ZNF385A: variants seen among roughly 807,000 people sequenced by gnomAD.
ZNF385A encodes the protein hematopoietic zinc finger protein.
Under a neutral mutation model 32.1 loss-of-function variants are expected in ZNF385A, and 14 were observed. That is an observed-to-expected ratio of 0.44 (90% CI 0.29 to 0.68). ZNF385A has a LOEUF of 0.68. Ranked by LOEUF, ZNF385A falls within the 30% of genes least tolerant of loss-of-function variation. ZNF385A has a pLI of 0.14. For synonymous variants in ZNF385A, 197 were observed against 202.7 expected, an observed-to-expected ratio of 0.97 and a Z score of 0.24; for missense variants, 406 against 478.4, an observed-to-expected ratio of 0.85 and a Z score of 1.41.
intron 1 of ZNF385A, among the ~76,000 whole-genome samples, chr12:54,376,551 G>A (rs1053897345): frequency 6.6e-6 from 1 of 152,222 alleles, no homozygotes; most frequent in Non-Finnish European, 1.5e-5. Flanking sequence ...GAACTCAGGA[G>A]AGAGTAGGAG....
Position 54,374,163 on chromosome 12 carries a change from T to G in ZNF385A, c.199-28A>C, listed in dbSNP as rs1954714245. On this transcript the variant is annotated intron_variant, in intron 2 of 6. Transcript: ENST00000394313. ...TTAGGGATGGAGGAAGAAAATGGAATCTGAGATCACCTTTCATCTGACCGA... is the reference window on the plus strand; with the variant it reads ...TTAGGGATGGAGGAAGAAAATGGAAGCTGAGATCACCTTTCATCTGACCGA... 1.4e-5 allele frequency: 20 copies of G among 1,478,156 alleles called. No individual in the cohort carries two copies. In the East Asian group the frequency reaches 4.8e-4, roughly 35 times the overall value. The allele number at this position is 1,478,156 out of a possible 1,614,324, so 91.6% of individuals were successfully genotyped here.
intron 2 of ZNF385A, among the ~76,000 whole-genome samples, chr12:54,374,893 C>T (rs1954761190): frequency 6.6e-6 from 1 of 152,188 alleles, no homozygotes; most frequent in African/African-American, 2.4e-5. Flanking sequence ...TGGGTTAGTC[C>T]TGTCTTCCCT....
upstream of ZNF385A, among the ~76,000 whole-genome samples, chr12:54,388,897 G>C (rs891673687): frequency 2.2e-4 from 33 of 152,246 alleles, no homozygotes; most frequent in African/African-American, 7.7e-4. Flanking sequence ...GGCAGGCTGA[G>C]GACTGGAAAG....
intron 1 of ZNF385A, chr12:54,381,343 C>T (rs1955168136): frequency 6.6e-6 from 1 of 152,146 alleles, no homozygotes; most frequent in Non-Finnish European, 1.5e-5. Flanking sequence ...TTAAATCCTG[C>T]CAATCAGATG....
chr12:54,371,695 C>A lies in ZNF385A; in HGVS notation c.382G>T (p.Gly128Trp), dbSNP rs1252523332. Residue 128 changes from glycine to tryptophan, a missense_variant, in exon 4 of 7, where the codon GGG (glycine) becomes TGG (tryptophan). Gly to Trp is a radical substitution (Grantham distance 184). Transcript: ENST00000394313. ...PRPVSMENGL[G>W]PAPGSPEKQP... Reference sequence around the variant, plus strand: ...TTCTCTGGGGATCCTGGGGCTGGCCCCAGTCCATTCTCCATGGAAACTGTT... The same window carrying A: ...TTCTCTGGGGATCCTGGGGCTGGCCACAGTCCATTCTCCATGGAAACTGTT... 3 of 1,611,152 alleles carry A rather than the reference C, an allele frequency of 1.9e-6. No homozygotes were observed. Among genetic ancestry groups the A allele is most frequent in the East Asian group, 2.2e-5 (1 of 44,860 alleles).
Position 54,369,866 on chromosome 12 carries a change from T to G in ZNF385A, c.*390A>C, listed in dbSNP as rs1488630585. 1.2e-5 allele frequency: 2 copies of G among 168,734 alleles called. No individual in the cohort carries two copies. The highest frequency in any genetic ancestry group is 4.8e-5 in the African/African-American group (2 of 42,096). 10.5% of individuals were successfully genotyped at this position (168,734 alleles called of 1,614,324 possible). A position where few individuals can be genotyped will look rare whatever the true frequency, so the allele number is the denominator to read the frequency against. On this transcript the variant is annotated 3_prime_UTR_variant, in exon 7 of 7. Coordinates refer to ENST00000394313, the MANE Select transcript of ZNF385A (RefSeq NM_015481.3). ...GAGCCGGAGTCCCAGAGTCCGCTTATTGCCAAGAAAATCCATTTCTGTCCC... is the reference window on the plus strand; with the variant it reads ...GAGCCGGAGTCCCAGAGTCCGCTTAGTGCCAAGAAAATCCATTTCTGTCCC...
chr12:54,390,968 T>C (rs1955623739), intron 1 of ZNF385A, among the ~76,000 whole-genome samples: 1 of 151,920 alleles, frequency 6.6e-6, no homozygotes, highest in Non-Finnish European at 1.5e-5. Context: ...GAATACGCAA[T>C]GTTCTAATTA....
chr12:54,378,695 G>T (rs991566844), intron 1 of ZNF385A, among the ~76,000 whole-genome samples: 2 of 152,122 alleles, frequency 1.3e-5, no homozygotes, highest in Non-Finnish European at 2.9e-5. Context: ...GAGCTAGGGG[G>T]TATCTAGAGA....
intron 3 of ZNF385A, among the ~76,000 whole-genome samples, chr12:54,373,494 A>C (rs1053202774): frequency 6.6e-5 from 10 of 152,074 alleles, no homozygotes; most frequent in Non-Finnish European, 8.8e-5. Flanking sequence ...AAAAAAAAAA[A>C]AAAACTCTGA....
chr12:54,371,920 A>G (rs1288161405), intron 3 of ZNF385A, among the ~76,000 whole-genome samples: 2 of 152,210 alleles, frequency 1.3e-5, no homozygotes, highest in Admixed American at 1.3e-4. Flanking sequence ...TGCTTGGCTC[A>G]TTCTCCATTA....
chr12:54,373,482 GAA>G (rs61690616), intron 3 of ZNF385A, among the ~76,000 whole-genome samples: 103,271 of 144,412 alleles, frequency 0.72, 37,210 homozygotes, highest in Middle Eastern at 0.88. Context: ...CTATTTCCCA[GAA>G]AAAAAAAAAA....
At chr12:54,387,791 G>T (rs1955533886), upstream of ZNF385A, among the ~76,000 whole-genome samples, 1 of 152,232 alleles carries the variant, frequency 6.6e-6, no homozygotes, top group Non-Finnish European at 1.5e-5. Flanking sequence ...AATTGGCTCA[G>T]AAGGAGAGTT....
chr12:54,390,268 C>A (rs757137717), intron 1 of ZNF385A, among the ~76,000 whole-genome samples: 4 of 151,994 alleles, frequency 2.6e-5, no homozygotes, highest in Non-Finnish European at 2.9e-5. Context: ...ATTGTGGAGG[C>A]AGGGTGGAGG....
intron 3 of ZNF385A, among the ~76,000 whole-genome samples, chr12:54,372,562 A>T (rs1286591099): frequency 6.6e-6 from 1 of 152,272 alleles, no homozygotes; most frequent in Non-Finnish European, 1.5e-5. Context: ...CACGGCAGGT[A>T]TAGTTATCCT....
exon 1 of ZNF385A, chr12:54,391,283 T>C (rs1592279339): frequency 9.6e-7 from 1 of 1,039,850 alleles, no homozygotes. Flanking sequence ...CGTCGCTCTG[T>C]CCCGGGGGCC....
Position 54,371,728 on chromosome 12 carries a change from G to A in ZNF385A, c.362-13C>T. The A allele has an allele frequency of 9.3e-6, 15 of 1,611,140 alleles. No homozygotes were observed. The highest frequency in any genetic ancestry group is 1.3e-5 in the Non-Finnish European group (15 of 1,179,142). ...TTCTCCATGGAAACTGTTGTTGGGG[G>A]AGAAACATGGGGATCACCCTAGATG... On this transcript the variant is annotated splice_polypyrimidine_tract_variant and intron_variant, in intron 3 of 6. Transcript: ENST00000394313.
At chr12:54,373,937 A>G (rs748729526) in intron 3 of ZNF385A, 36 bp downstream of exon 3, 2 of 1,433,420 alleles carry the variant, frequency 1.4e-6, no homozygotes, top group Admixed American at 2.3e-5. Flanking sequence ...GAGAAGACAG[A>G]GATCAGTTGA....
rs1954419093 is a variant in ZNF385A, at chr12:54,369,831, T to TTGGGGTAG, written c.*417_*424dup. 6.5e-6 allele frequency: 1 copy of TTGGGGTAG among 154,864 alleles called. No homozygotes were observed. The highest frequency in any genetic ancestry group is 1.4e-5 in the Non-Finnish European group (1 of 69,756). The allele number at this position is 154,864 out of a possible 1,614,324, so 9.6% of individuals were successfully genotyped here. Reference sequence around the variant, plus strand: ...GGGGTGTTCACGGAAGCGCTTCAGTTTGGGGTAGGGAGCCGGAGTCCCAGA... The same window carrying TTGGGGTAG: ...GGGGTGTTCACGGAAGCGCTTCAGTTTGGGGTAGTGGGGTAGGGAGCCGGAGTCCCAGA... On this transcript the variant is annotated 3_prime_UTR_variant, in exon 7 of 7. Transcript: ENST00000394313.
chr12:54,370,137 TG>T lies in ZNF385A; in HGVS notation c.*118del, dbSNP rs3215379. 75,731 of 440,680 alleles carry T rather than the reference TG, an allele frequency of 0.17. 5,334 individuals carry two copies. Among genetic ancestry groups the T allele is most frequent in the East Asian group, 0.46 (10,751 of 23,444 alleles). The allele number at this position is 440,680 out of a possible 1,614,324, so 27.3% of individuals were successfully genotyped here. A position where few individuals can be genotyped will look rare whatever the true frequency, so the allele number is the denominator to read the frequency against. On this transcript the variant is annotated 3_prime_UTR_variant, in exon 7 of 7. Transcript: ENST00000394313. This position sits in a 1 kb window ranked among gnomAD's most constrained non-coding sequence, Gnocchi z 5.5. ...TTTCCTGGAACCCCGTATCTCGGGG[TG>T]GGGGGGGGGAAGGAGAGATCATTTA...
Sources: gnomAD v4.1 joint callset for allele counts (sites outside exome capture counted in the v4.1 genomes callset) on GRCh38, gnomAD v4.1.1 for gene constraint, Gnocchi (gnomAD v3.1) non-coding constraint, MANE v1.5 for transcripts, NCBI Gene and HGNC (gene_info 2026-07-23, HGNC 2026-07-21) for gene names.